Variants in CA8 observed in about 807,000 individuals in gnomAD.
The protein encoded by CA8 is carbonic anhydrase-related protein.
In CA8, 22 loss-of-function variants were observed where a neutral mutation model predicts 41.4. That is an observed-to-expected ratio of 0.53 (90% CI 0.38 to 0.76). CA8 has a LOEUF of 0.76. CA8 is among the 30% of genes least tolerant of loss of function. CA8 has a pLI of 0.00. For missense variants in CA8, 270 were observed against 352.8 expected (o/e 0.77, Z 1.88); for synonymous variants, 121 against 130.6 (o/e 0.93, Z 0.50).
At chr8:60,240,349 G>A (rs534963143) in intron 3 of CA8, among the ~76,000 whole-genome samples, 2 of 152,324 alleles carry the variant, frequency 1.3e-5, no homozygotes, top group African/African-American at 4.8e-5. Context: ...GATAAAACAA[G>A]TGGAGCAAGG....
rs1806066838 is a variant in CA8 at position 60,189,931 on chromosome 8, A to G, written c.*90T>C. ...GGCTTTGAGGATAAACTGAAGGTGC[A>G]GCTCAAAAGTTTCCTTTTCTTATCC... On this transcript the variant is annotated 3_prime_UTR_variant, in exon 9 of 9. Coordinates refer to ENST00000317995, the MANE Select transcript of CA8 (RefSeq NM_004056.6). 1 of 152,048 alleles carries G rather than the reference A, an allele frequency of 6.6e-6. No individual in the cohort carries two copies. The highest frequency in any genetic ancestry group is 2.4e-5 in the African/African-American group (1 of 41,372). The allele number at this position is 152,048 out of a possible 1,614,324, so 9.4% of individuals were successfully genotyped here.
chr8:60,228,309 C>T (rs1007887927), intron 4 of CA8, among the ~76,000 whole-genome samples: 3 of 152,164 alleles, frequency 2.0e-5, no homozygotes, highest in Admixed American at 2.0e-4. Context: ...TGCATATGTA[C>T]CTGTGGCAGC....
At chr8:60,250,704 G>A (rs1329252769) in intron 3 of CA8, among the ~76,000 whole-genome samples, 1 of 152,178 alleles carries the variant, frequency 6.6e-6, no homozygotes, top group Admixed American at 6.5e-5. Flanking sequence ...TTTCACTAAT[G>A]TGTTATCCTA....
intron 3 of CA8, among the ~76,000 whole-genome samples, chr8:60,264,172 C>G (rs1404827276): frequency 1.3e-5 from 2 of 152,230 alleles, no homozygotes; most frequent in African/African-American, 4.8e-5. Context: ...AATGCTATCT[C>G]AGTACAGAGC....
intron 2 of CA8, among the ~76,000 whole-genome samples, chr8:60,267,700 G>A (rs1424229087): frequency 6.6e-6 from 1 of 152,056 alleles, no homozygotes; most frequent in Non-Finnish European, 1.5e-5. Flanking sequence ...GCAGGGATAG[G>A]GAAACCCAAA....
At position 60,189,828 on chromosome 8, in the gene CA8, A is replaced by T. The variant is rs950557537; in HGVS notation, c.*193T>A. 1 of 152,520 alleles carries T rather than the reference A, an allele frequency of 6.6e-6. No homozygotes were observed. Among genetic ancestry groups the T allele is most frequent in the East Asian group, 1.9e-4 (1 of 5,192 alleles). The allele number at this position is 152,520 out of a possible 1,614,324, so 9.4% of individuals were successfully genotyped here. ...TCTTTGGAATATACAGCCATTTCTA[A>T]TATTTCATTTCAGCAAGTGTACAGG... is the stretch of plus-strand genomic sequence containing the variant. On this transcript the variant is annotated 3_prime_UTR_variant, in exon 9 of 9. Transcript: ENST00000317995.
At chr8:60,218,076 T>C (rs1221218467) in intron 7 of CA8, among the ~76,000 whole-genome samples, 1 of 152,174 alleles carries the variant, frequency 6.6e-6, no homozygotes, top group Non-Finnish European at 1.5e-5. Flanking sequence ...TCTCCACACT[T>C]ACCGCAAGCG....
At chr8:60,191,659 C>G (rs1806135434) in intron 8 of CA8, among the ~76,000 whole-genome samples, 2 of 152,066 alleles carry the variant, frequency 1.3e-5, no homozygotes, top group African/African-American at 4.8e-5. Context: ...TTTGGAGGAC[C>G]AGTGCGCTGC....
chr8:60,193,332 T>C (rs1806189302), intron 8 of CA8, among the ~76,000 whole-genome samples: 1 of 152,186 alleles, frequency 6.6e-6, no homozygotes, highest in South Asian at 2.1e-4. Flanking sequence ...TGCTCACATC[T>C]GGACTGACTG....
At chr8:60,227,835 A>G (rs192196761) in intron 4 of CA8, among the ~76,000 whole-genome samples, 50 of 152,340 alleles carry the variant, frequency 3.3e-4, no homozygotes, top group Non-Finnish European at 6.5e-4. Flanking sequence ...ATTAGTGTAT[A>G]AAATGCTCCC....
intron 7 of CA8, among the ~76,000 whole-genome samples, chr8:60,210,589 G>C (rs1178978417): frequency 1.3e-5 from 2 of 151,432 alleles, no homozygotes; most frequent in East Asian, 3.9e-4. Context: ...TTAGAATCCG[G>C]GTCAGAAAGC....
At chr8:60,225,581 C>G (rs1585873774) in intron 5 of CA8, among the ~76,000 whole-genome samples, 1 of 152,192 alleles carries the variant, frequency 6.6e-6, no homozygotes, top group Non-Finnish European at 1.5e-5. Context: ...CAAACCTACT[C>G]AGGAGATCTT....
intron 8 of CA8, chr8:60,208,423 G>C (rs1012893211): frequency 3.1e-6 from 1 of 319,156 alleles, no homozygotes; most frequent in Non-Finnish European, 6.0e-6. Context: ...GCTTCACGGG[G>C]ACAACATGGT....
At position 60,226,233 on chromosome 8, in the gene CA8, T is replaced by C. The variant is rs565251005; in HGVS notation, c.576+640A>G. On this transcript the variant is annotated intron_variant, in intron 5 of 8. Coordinates refer to ENST00000317995, the MANE Select transcript of CA8 (RefSeq NM_004056.6). ...AGTTGCTCAAACCCTGCACATCCCA[T>C]ATAAAGGCCTGTCTTCAGGACTAAC... is the stretch of plus-strand genomic sequence containing the variant. Among the ~76,000 whole-genome samples the C allele has an allele frequency of 2.0e-5, 3 of 152,262 alleles. No individual in the cohort carries two copies. The East Asian group carries it at 5.8e-4, about 29-fold the overall frequency.
At position 60,245,251 on chromosome 8, in the gene CA8, A is replaced by T. The variant is rs527271559; in HGVS notation, c.418-12872T>A. Among the ~76,000 whole-genome samples the T allele has an allele frequency of 2.6e-5, 4 of 152,218 alleles. No homozygotes were observed. In the South Asian group the frequency reaches 8.3e-4, roughly 32 times the overall value. ...GGCTAAAAAAACAAATATATACATAAAGGCACATGTAACCAGAATTCTACC... is the reference window on the plus strand; with the variant it reads ...GGCTAAAAAAACAAATATATACATATAGGCACATGTAACCAGAATTCTACC... On this transcript the variant is annotated intron_variant, in intron 3 of 8. Transcript: ENST00000317995.
intron 3 of CA8, among the ~76,000 whole-genome samples, chr8:60,234,289 G>A (rs1807756099): frequency 6.6e-6 from 1 of 152,176 alleles, no homozygotes; most frequent in Non-Finnish European, 1.5e-5. Flanking sequence ...ACAGCCAAAA[G>A]AAGCCTAAGA....
intron 2 of CA8, among the ~76,000 whole-genome samples, chr8:60,277,996 CA>C (rs1412145304): frequency 6.6e-6 from 1 of 151,972 alleles, no homozygotes; most frequent in East Asian, 1.9e-4. Flanking sequence ...CTTCAGTGGG[CA>C]GGGGTGGAAG....
At chr8:60,224,620 G>C in intron 5 of CA8, 35 bp from the exon 6 acceptor site, 1 of 1,238,810 alleles carries the variant, frequency 8.1e-7, no homozygotes. Context: ...CAATGTTAAT[G>C]TAATATTTCT....
chr8:60,267,430 A>G lies in CA8; in HGVS notation c.293-1381T>C, dbSNP rs1803936969. Reference sequence around the variant, plus strand: ...TTTTTGAGTGGATACACTTCACATCAACAGGAAAGGGAAGTGAGATTCATG... The same window carrying G: ...TTTTTGAGTGGATACACTTCACATCGACAGGAAAGGGAAGTGAGATTCATG... On this transcript the variant is annotated intron_variant, in intron 2 of 8. Coordinates refer to ENST00000317995, the MANE Select transcript of CA8 (RefSeq NM_004056.6). Among the ~76,000 whole-genome samples, 5 of 152,348 alleles carry G rather than the reference A, an allele frequency of 3.3e-5. No homozygotes were observed. The South Asian group carries it at 1.0e-3, about 32-fold the overall frequency.
Sources: gnomAD v4.1 joint callset for allele counts (sites outside exome capture counted in the v4.1 genomes callset) on GRCh38, gnomAD v4.1.1 for gene constraint, MANE v1.5 for transcripts, NCBI Gene and HGNC (gene_info 2026-07-23, HGNC 2026-07-21) for gene names.